Variants in RBFOX1 observed in about 807,000 individuals in gnomAD.
RBFOX1 encodes the protein RNA binding fox-1 homolog 1, also known as RNA binding protein fox-1 homolog 1.
A neutral mutation model predicts 57.7 loss-of-function variants in RBFOX1; 8 were observed. The observed-to-expected ratio is 0.14, with a 90% CI of 0.08 to 0.25. The LOEUF is 0.25. Among genes scored for constraint, RBFOX1 ranks in the 10% least tolerant of loss-of-function variants. The pLI is 1.00. For synonymous variants in RBFOX1, 326 were observed against 222.4 expected (o/e 1.47, Z -4.15); for missense variants, 611 against 548.5 (o/e 1.11, Z -1.14).
At chr16:7,260,976 A>C (rs2094897215) in intron 4 of RBFOX1, among the ~76,000 whole-genome samples, 2 of 152,188 alleles carry the variant, frequency 1.3e-5, no homozygotes, top group South Asian at 4.1e-4. Context: ...AAGAAAGTTC[A>C]TGGCAAAAGA....
At chr16:6,680,759 C>T (rs890375122) in intron 3 of RBFOX1, among the ~76,000 whole-genome samples, 1 of 152,014 alleles carries the variant, frequency 6.6e-6, no homozygotes, top group Non-Finnish European at 1.5e-5. Context: ...CTTTGTAAGG[C>T]GGAAAGATGC....
chr16:5,853,930 C>T (rs1019413093), intron 3 of RBFOX1, among the ~76,000 whole-genome samples: 2 of 152,190 alleles, frequency 1.3e-5, no homozygotes, highest in African/African-American at 4.8e-5. Flanking sequence ...CAGCCAAATT[C>T]TGGCTTAAAA....
intron 3 of RBFOX1, among the ~76,000 whole-genome samples, chr16:5,829,954 G>A (rs200222642): frequency 2.0e-5 from 3 of 152,186 alleles, no homozygotes; most frequent in East Asian, 3.8e-4. Flanking sequence ...ACCCTTAGGA[G>A]CAAGGATCTG....
chr16:7,371,427 G>C (rs926642875), intron 4 of RBFOX1, among the ~76,000 whole-genome samples: 4 of 152,146 alleles, frequency 2.6e-5, no homozygotes, highest in Admixed American at 2.0e-4. Context: ...GCCATTAGGA[G>C]AAAGAAAAAA....
chr16:6,734,383 T>C (rs1418928867), intron 3 of RBFOX1, among the ~76,000 whole-genome samples: 3 of 152,226 alleles, frequency 2.0e-5, no homozygotes, highest in Non-Finnish European at 2.9e-5. Flanking sequence ...TCGTAACAGC[T>C]CTAATTTACT....
intron 4 of RBFOX1, among the ~76,000 whole-genome samples, chr16:7,245,501 G>C (rs765666144): frequency 6.6e-6 from 1 of 152,150 alleles, no homozygotes; most frequent in African/African-American, 2.4e-5. Context: ...ATTCACCACT[G>C]TTGACCAACA....
chr16:6,872,861 C>G (rs186457377), intron 3 of RBFOX1, among the ~76,000 whole-genome samples: 81 of 152,230 alleles, frequency 5.3e-4, no homozygotes, highest in Non-Finnish European at 9.1e-4. Flanking sequence ...TATAACAATT[C>G]AAAGACTCCA....
chr16:6,957,116 T>TTTTTTTATTTATTTA lies in RBFOX1; in HGVS notation c.-15-94938_-15-94937insTTTATTTATTTATTT, dbSNP rs574831673. On this transcript the variant is annotated intron_variant, in intron 3 of 15. Coordinates refer to ENST00000550418, the MANE Select transcript of RBFOX1 (RefSeq NM_018723.4). Reference sequence around the variant, plus strand: ...ATTTATTTTATTTTTTTATTTTTATTTTTATTTATTTATTTATTTATTTAT... The same window carrying TTTTTTTATTTATTTA: ...ATTTATTTTATTTTTTTATTTTTATTTTTTTTATTTATTTATTTATTTATTTATTTATTTATTTAT... Among the ~76,000 whole-genome samples, 678 of 139,244 alleles carry TTTTTTTATTTATTTA rather than the reference T, an allele frequency of 4.9e-3. 2 individuals are homozygous for TTTTTTTATTTATTTA. The highest frequency in any genetic ancestry group is 7.7e-3 in the Non-Finnish European group (503 of 65,414). 91.3% of individuals were successfully genotyped at this position (139,244 alleles called of 152,430 possible). A position where few individuals can be genotyped will look rare whatever the true frequency, so the allele number is the denominator to read the frequency against.
intron 1 of RBFOX1, among the ~76,000 whole-genome samples, chr16:6,073,882 G>T (rs1399268292): frequency 6.6e-6 from 1 of 152,126 alleles, no homozygotes; most frequent in Non-Finnish European, 1.5e-5. Context: ...GGAGGGCCTG[G>T]AGGTGTTACA....
intron 4 of RBFOX1, among the ~76,000 whole-genome samples, chr16:7,090,999 A>G (rs372002090): frequency 5.9e-5 from 9 of 152,296 alleles, no homozygotes; most frequent in East Asian, 5.8e-4. Flanking sequence ...GAAAGTAGGC[A>G]ATTGGCACCT....
At chr16:5,934,947 C>T (rs1016853352) in intron 4 of RBFOX1, among the ~76,000 whole-genome samples, 1 of 152,166 alleles carries the variant, frequency 6.6e-6, no homozygotes, top group Non-Finnish European at 1.5e-5. Context: ...GTCAACACAC[C>T]TGTGGGTAAT....
At chr16:7,169,178 G>A (rs1003528567) in intron 4 of RBFOX1, among the ~76,000 whole-genome samples, 2 of 152,154 alleles carry the variant, frequency 1.3e-5, no homozygotes, top group African/African-American at 4.8e-5. Context: ...CAATATTCAT[G>A]GCCATAGTTT....
intron 4 of RBFOX1, among the ~76,000 whole-genome samples, chr16:7,240,916 G>A (rs2094022226): frequency 1.3e-5 from 2 of 152,148 alleles, no homozygotes; most frequent in South Asian, 4.1e-4. Context: ...TGTTGCTTTA[G>A]ATCTTAAACA....
At chr16:5,390,537 C>T (rs949379144) in intron 1 of RBFOX1, among the ~76,000 whole-genome samples, 4 of 152,138 alleles carry the variant, frequency 2.6e-5, no homozygotes, top group Non-Finnish European at 5.9e-5. Context: ...GATCCACCTG[C>T]CTCGGCCTCC....
intron 3 of RBFOX1, among the ~76,000 whole-genome samples, chr16:5,835,135 T>C (rs2056418257): frequency 6.6e-6 from 1 of 151,928 alleles, no homozygotes; most frequent in African/African-American, 2.4e-5. Flanking sequence ...CCCCCAGAAG[T>C]ATAATGGGGC....
chr16:7,030,519 G>C (rs989236331), intron 3 of RBFOX1, among the ~76,000 whole-genome samples: 1 of 152,038 alleles, frequency 6.6e-6, no homozygotes, highest in East Asian at 1.9e-4. Flanking sequence ...GCGTTCCTTG[G>C]TTTGTGGCCA....
At chr16:6,015,363 G>A (rs1030198794), upstream of RBFOX1, among the ~76,000 whole-genome samples, 1 of 152,158 alleles carries the variant, frequency 6.6e-6, no homozygotes, top group African/African-American at 2.4e-5. Flanking sequence ...GGAGAAAATG[G>A]TCATTGAAAC....
At chr16:5,927,607 A>T (rs1181353077) in intron 4 of RBFOX1, among the ~76,000 whole-genome samples, 1 of 152,236 alleles carries the variant, frequency 6.6e-6, no homozygotes, top group Non-Finnish European at 1.5e-5. Flanking sequence ...TATATATCCA[A>T]AGGGAATGAA....
chr16:5,299,207 T>G (rs1184421768), intron 1 of RBFOX1, among the ~76,000 whole-genome samples: 6 of 152,104 alleles, frequency 3.9e-5, no homozygotes. Flanking sequence ...TGCCTGGCTT[T>G]TTTTTTTGCT....
Sources: allele counts gnomAD v4.1 joint callset (sites outside exome capture counted in the v4.1 genomes callset), GRCh38; gene constraint gnomAD v4.1.1; transcripts MANE v1.5; gene names NCBI Gene and HGNC (gene_info 2026-07-23, HGNC 2026-07-21).